The following VWA8 variants were observed in gnomAD, a reference collection of about 807,000 sequenced individuals.
VWA8 encodes the protein von Willebrand factor A domain-containing protein 8.
VWA8 carries 221 observed loss-of-function variants against 241.5 expected under a neutral mutation model. That is an observed-to-expected ratio of 0.91 (90% CI 0.82 to 1.02). The LOEUF (loss-of-function observed/expected upper bound fraction) is 1.02. Among genes scored for constraint, VWA8 ranks in the 50% least tolerant of loss-of-function variants. VWA8 has a pLI of 0.00. For missense variants in VWA8, 2,322 were observed against 2,328.7 expected (o/e 1.00, Z 0.06); for synonymous variants, 852 against 827.1 (o/e 1.03, Z -0.52).
chr13:41,928,425 T>A (rs758107317), intron 2 of VWA8, among the ~76,000 whole-genome samples: 22 of 152,038 alleles, frequency 1.4e-4, no homozygotes, highest in Non-Finnish European at 2.6e-4. Flanking sequence ...GATATGAAAC[T>A]AGAAAACAGT....
intron 26 of VWA8, 142 bp from the exon 27 acceptor site, chr13:41,703,553 C>A: frequency 1.6e-6 from 1 of 643,046 alleles, no homozygotes; most frequent in Non-Finnish European, 2.7e-6. Context: ...TTTTATTAAA[C>A]GACAGTGTAT....
rs373614630 is a variant in VWA8, at chr13:41,587,697, G to GT, written c.5113-28dup. ...TGAGGGAAGGAATAACAGAAAAGCCGTTTGTGAACTGGCAAACTTCCCCTG... is the reference window on the plus strand; with the variant it reads ...TGAGGGAAGGAATAACAGAAAAGCCGTTTTGTGAACTGGCAAACTTCCCCTG... On this transcript the variant is annotated intron_variant, in intron 41 of 44. Transcript: ENST00000379310. The GT allele has an allele frequency of 8.7e-5, 140 of 1,610,586 alleles. No homozygotes were observed. In the African/African-American group the frequency reaches 1.5e-3, roughly 18 times the overall value.
At chr13:41,578,662 A>G (rs2044364825) in intron 42 of VWA8, among the ~76,000 whole-genome samples, 1 of 152,162 alleles carries the variant, frequency 6.6e-6, no homozygotes, top group Admixed American at 6.5e-5. Context: ...GCATGCTTCC[A>G]TGGAGGAGCT....
At chr13:41,800,918 T>C (rs1869928997) in intron 17 of VWA8, among the ~76,000 whole-genome samples, 1 of 152,188 alleles carries the variant, frequency 6.6e-6, no homozygotes, top group Admixed American at 6.5e-5. Flanking sequence ...AAATCTATCC[T>C]AGGGAGATAA....
At chr13:41,642,909 A>C (rs1035227950) in intron 37 of VWA8, among the ~76,000 whole-genome samples, 1 of 152,148 alleles carries the variant, frequency 6.6e-6, no homozygotes, top group Non-Finnish European at 1.5e-5. Flanking sequence ...AGCCTGGGCA[A>C]TGGAGCAACA....
intron 26 of VWA8, among the ~76,000 whole-genome samples, chr13:41,711,386 C>T (rs1289474376): frequency 6.6e-6 from 1 of 152,298 alleles, no homozygotes; most frequent in Admixed American, 6.5e-5. Flanking sequence ...TCTTTGTCCT[C>T]AGTAGTCTAT....
intron 12 of VWA8, among the ~76,000 whole-genome samples, chr13:41,850,598 T>C (rs1316376095): frequency 6.6e-6 from 1 of 152,202 alleles, no homozygotes; most frequent in Admixed American, 6.5e-5. Context: ...CCCACTCACC[T>C]GCAGAGTCAG....
At chr13:41,754,891 A>G (rs2045683046) in intron 21 of VWA8, among the ~76,000 whole-genome samples, 1 of 152,076 alleles carries the variant, frequency 6.6e-6, no homozygotes, top group Admixed American at 6.6e-5. Flanking sequence ...GTCGCTTAAC[A>G]TAATGACCTC....
chr13:41,945,456 C>A (rs1877806792), intron 2 of VWA8, among the ~76,000 whole-genome samples: 1 of 152,084 alleles, frequency 6.6e-6, no homozygotes, highest in African/African-American at 2.4e-5. Flanking sequence ...GTAAACCAGA[C>A]ATTTGACTAA....
At chr13:41,715,601 C>T (rs1381742128) in intron 26 of VWA8, among the ~76,000 whole-genome samples, 1 of 151,956 alleles carries the variant, frequency 6.6e-6, no homozygotes, top group Non-Finnish European at 1.5e-5. Flanking sequence ...GAGGAAAAAA[C>T]AGGCAAACTT....
At chr13:41,750,887 A>T (rs4942077) in intron 21 of VWA8, among the ~76,000 whole-genome samples, 16,975 of 55,892 alleles carry the variant, frequency 0.3, 1,250 homozygotes, top group South Asian at 0.5. Context: ...CATATTTGAT[A>T]AAAAAAAAAA....
intron 19 of VWA8, 113 bp downstream of exon 19, chr13:41,783,682 T>C: frequency 1.5e-6 from 1 of 656,280 alleles, no homozygotes; most frequent in Non-Finnish European, 2.5e-6. Context: ...TTTTGCATCA[T>C]CTAAATTAAA....
At chr13:41,598,648 G>A (rs191303580) in intron 40 of VWA8, among the ~76,000 whole-genome samples, 11 of 152,104 alleles carry the variant, frequency 7.2e-5, no homozygotes, top group Admixed American at 7.2e-4. Flanking sequence ...GCAAATATCT[G>A]TCACCTTTGT....
chr13:41,842,234 G>A (rs1277559226), intron 12 of VWA8, among the ~76,000 whole-genome samples: 3 of 152,142 alleles, frequency 2.0e-5, no homozygotes, highest in Non-Finnish European at 4.4e-5. Flanking sequence ...AGCATGCTCA[G>A]TGAACAGAAC....
chr13:41,605,695 G>T (rs2044549555), intron 39 of VWA8, among the ~76,000 whole-genome samples: 1 of 151,906 alleles, frequency 6.6e-6, no homozygotes, highest in Non-Finnish European at 1.5e-5. Context: ...CAGTTCATGT[G>T]GCAGATTCCT....
intron 2 of VWA8, among the ~76,000 whole-genome samples, chr13:41,949,132 G>A (rs115922179): frequency 6.6e-6 from 1 of 151,512 alleles, no homozygotes; most frequent in African/African-American, 2.4e-5. Context: ...TAATCTTGGT[G>A]GTTATACAGG....
At chr13:41,805,521 A>T (rs776979038) in intron 17 of VWA8, among the ~76,000 whole-genome samples, 57 of 152,172 alleles carry the variant, frequency 3.7e-4, no homozygotes, top group Non-Finnish European at 7.9e-4. Context: ...CAACGAAGAA[A>T]TATTGGACAT....
chr13:41,868,867 A>G lies in VWA8; in HGVS notation c.1081-390T>C, dbSNP rs531935138. On this transcript the variant is annotated intron_variant, in intron 9 of 44. Coordinates refer to ENST00000379310, the MANE Select transcript of VWA8 (RefSeq NM_015058.2). ...CGCGCCACTGCACTCCAGCATGGGC[A>G]AAACGGCAAGACTCCGTCTCAAAAA... Among the ~76,000 whole-genome samples the G allele has an allele frequency of 1.6e-3, 235 of 146,010 alleles. 2 individuals are homozygous for G. The highest frequency in any genetic ancestry group is 5.4e-3 in the African/African-American group (215 of 39,750).
At chr13:41,579,950 A>G (rs553778969) in intron 42 of VWA8, among the ~76,000 whole-genome samples, 112 of 152,106 alleles carry the variant, frequency 7.4e-4, no homozygotes, top group African/African-American at 2.6e-3. Context: ...GGGCTCAAGT[A>G]ATCCTCTCAT....
Sources: allele counts gnomAD v4.1 joint callset (sites outside exome capture counted in the v4.1 genomes callset), GRCh38; gene constraint gnomAD v4.1.1; transcripts MANE v1.5; gene names NCBI Gene and HGNC (gene_info 2026-07-23, HGNC 2026-07-21).